Variants in RASAL2 observed in about 807,000 individuals in gnomAD.
RASAL2 encodes RAS protein activator like 2.
In RASAL2, 58 loss-of-function variants were observed where a neutral mutation model predicts 128.9. The observed-to-expected ratio is 0.45, with a 90% CI of 0.36 to 0.56. The LOEUF (loss-of-function observed/expected upper bound fraction) is 0.56. RASAL2 is among the 20% of genes least tolerant of loss of function. The pLI is 0.00. For synonymous variants in RASAL2, 561 were observed against 580.8 expected, an observed-to-expected ratio of 0.97 and a Z score of 0.49; for missense variants, 1,360 against 1,601.6, an observed-to-expected ratio of 0.85 and a Z score of 2.57.
At chr1:178,464,841 T>TG (rs201137767) in intron 15 of RASAL2, among the ~76,000 whole-genome samples, 6,505 of 143,656 alleles carry the variant, frequency 0.045, 208 homozygotes, top group South Asian at 0.074. Context: ...GTTTTTTTTT[T>TG]TTTTTTTTTT....
At chr1:178,237,393 A>G (rs1001415963) in intron 1 of RASAL2, among the ~76,000 whole-genome samples, 4 of 152,134 alleles carry the variant, frequency 2.6e-5, no homozygotes, top group African/African-American at 9.7e-5. Context: ...CCATCAGCCC[A>G]TGGACATTGA....
At chr1:178,391,469 C>A (rs180725146) in intron 4 of RASAL2, among the ~76,000 whole-genome samples, 91 of 152,164 alleles carry the variant, frequency 6.0e-4, no homozygotes, top group Admixed American at 1.3e-3. Context: ...CAAGAGAAAT[C>A]AAAATATGCT....
At chr1:178,412,231 GTGAA>G (rs947532473) in intron 4 of RASAL2, among the ~76,000 whole-genome samples, 1 of 152,134 alleles carries the variant, frequency 6.6e-6, no homozygotes, top group Non-Finnish European at 1.5e-5. Flanking sequence ...ATAAAGGAAA[GTGAA>G]AGAGAGATTG....
intron 1 of RASAL2, among the ~76,000 whole-genome samples, chr1:178,130,265 T>C (rs543959440): frequency 3.0e-4 from 46 of 152,230 alleles, no homozygotes; most frequent in Non-Finnish European, 6.3e-4. Flanking sequence ...AGATGTAATA[T>C]GTGATTGACA....
At chr1:178,390,320 A>G (rs1240315224) in intron 4 of RASAL2, 114 bp downstream of exon 4, 3 of 713,374 alleles carry the variant, frequency 4.2e-6, no homozygotes, top group Non-Finnish European at 6.8e-6. Flanking sequence ...GAATTTCTTT[A>G]TAATTCTGTG....
chr1:178,125,610 C>T (rs975494084), intron 1 of RASAL2: 2 of 152,080 alleles, frequency 1.3e-5, no homozygotes, highest in East Asian at 1.9e-4. Flanking sequence ...TTCTGATAAT[C>T]GATGTGATAT....
intron 1 of RASAL2, among the ~76,000 whole-genome samples, chr1:178,151,276 C>T (rs1660906944): frequency 6.6e-6 from 1 of 152,048 alleles, no homozygotes; most frequent in Admixed American, 6.6e-5. Flanking sequence ...TGTGGTGGCA[C>T]ATGCCTGTGG....
chr1:178,442,704 T>C lies in RASAL2; in HGVS notation c.957T>C (p.Leu319=), dbSNP rs1441961679. 3 of 1,608,176 alleles carry C rather than the reference T, an allele frequency of 1.9e-6. No homozygotes were observed. The highest frequency in any genetic ancestry group is 3.3e-4 in the Middle Eastern group (2 of 6,016). Residue 319 remains leucine (L), a synonymous_variant, in exon 8 of 18, where the codon CTT becomes CTC. Transcript: ENST00000367649. The part of the protein sequence containing the change: ...KDNCRRAENV[L]RLWIIEAKDL... ...ATTGCAGGCGAGCTGAAAATGTTCT[T>C]CGTTTATGGATCATTGAAGCCAAGG...
intron 1 of RASAL2, among the ~76,000 whole-genome samples, chr1:178,143,512 A>T (rs1189753387): frequency 6.6e-6 from 1 of 152,102 alleles, no homozygotes; most frequent in Non-Finnish European, 1.5e-5. Context: ...TTTATATGGA[A>T]AGATTCCCAA....
intron 3 of RASAL2, among the ~76,000 whole-genome samples, chr1:178,366,457 T>A (rs2102497772): frequency 6.6e-6 from 1 of 152,130 alleles, no homozygotes; most frequent in South Asian, 2.1e-4. Flanking sequence ...AGAGACTGAG[T>A]TAGTGGTTTT....
intron 4 of RASAL2, among the ~76,000 whole-genome samples, chr1:178,410,057 G>A (rs1235398810): frequency 6.6e-6 from 1 of 152,136 alleles, no homozygotes; most frequent in African/African-American, 2.4e-5. Flanking sequence ...TAATTGAATA[G>A]CATCAGATGA....
intron 3 of RASAL2, among the ~76,000 whole-genome samples, chr1:178,375,962 A>T (rs1454481229): frequency 6.6e-6 from 1 of 152,124 alleles, no homozygotes; most frequent in Non-Finnish European, 1.5e-5. Context: ...TATTCTAAGC[A>T]TCTGTAGGTC....
intron 17 of RASAL2, among the ~76,000 whole-genome samples, chr1:178,469,694 A>G (rs1349911581): frequency 3.3e-5 from 5 of 152,210 alleles, no homozygotes; most frequent in African/African-American, 1.2e-4. Flanking sequence ...TCTCTGGACT[A>G]TTTTGGTAGA....
chr1:178,125,441 G>T (rs1227248089), intron 1 of RASAL2: 1 of 152,214 alleles, frequency 6.6e-6, no homozygotes, highest in Non-Finnish European at 1.5e-5. Context: ...AAGAGAAGAA[G>T]TTTAATTGTC....
At chr1:178,283,419 C>T (rs1244946278) in intron 1 of RASAL2, 145 bp from the exon 2 acceptor site, 2 of 1,033,454 alleles carry the variant, frequency 1.9e-6, no homozygotes, top group Non-Finnish European at 2.7e-6. Context: ...TTTTCATTTT[C>T]TTAAGAGGAA....
chr1:178,414,065 T>G (rs995310122), intron 4 of RASAL2, among the ~76,000 whole-genome samples: 4 of 152,174 alleles, frequency 2.6e-5, no homozygotes, highest in African/African-American at 7.2e-5. Context: ...CTAAAAAGGC[T>G]GCAGTATGAT....
chr1:178,245,284 T>C (rs1664720202), intron 1 of RASAL2, among the ~76,000 whole-genome samples: 1 of 152,228 alleles, frequency 6.6e-6, no homozygotes, highest in Admixed American at 6.5e-5. Flanking sequence ...TGGCATGAGA[T>C]GGTATTTCAT....
chr1:178,378,520 A>G (rs1399631723), intron 3 of RASAL2, among the ~76,000 whole-genome samples: 1 of 152,164 alleles, frequency 6.6e-6, no homozygotes, highest in Non-Finnish European at 1.5e-5. Context: ...CAGAATCTTT[A>G]TAAAAACTGG....
chr1:178,459,214 T>A (rs2102916697), intron 14 of RASAL2, among the ~76,000 whole-genome samples: 1 of 152,268 alleles, frequency 6.6e-6, no homozygotes, highest in Non-Finnish European at 1.5e-5. Context: ...GTTTTTCTAA[T>A]TTTTTTATTG....
Sources: gnomAD v4.1 joint callset for allele counts (sites outside exome capture counted in the v4.1 genomes callset) on GRCh38, gnomAD v4.1.1 for gene constraint, MANE v1.5 for transcripts, NCBI Gene and HGNC (gene_info 2026-07-23, HGNC 2026-07-21) for gene names.